Variants in DIAPH2 observed in about 807,000 individuals in gnomAD.
The protein encoded by DIAPH2 is diaphanous related formin 2.
DIAPH2 carries 35 observed loss-of-function variants against 92.7 expected under a neutral mutation model. The ratio of observed to expected loss-of-function variants is 0.38; its 90% confidence interval spans 0.29 to 0.50. The LOEUF is 0.50. Ranked by LOEUF, DIAPH2 falls within the 20% of genes least tolerant of loss-of-function variation. The pLI is 0.94. For synonymous variants in DIAPH2, 301 were observed against 280.4 expected (o/e 1.07, Z -0.73); for missense variants, 701 against 819.5 (o/e 0.86, Z 1.77).
At chrX:97,025,686 C>CA (rs926927909) in intron 17 of DIAPH2, among the ~76,000 whole-genome samples, 10 of 109,147 alleles carry the variant, frequency 9.2e-5, no homozygotes, top group Non-Finnish European at 1.3e-4. Flanking sequence ...AACAAAAAAA[C>CA]AAAAAAAAAG....
intron 23 of DIAPH2, among the ~76,000 whole-genome samples, chrX:97,258,546 C>A (rs1387680034): frequency 9.4e-6 from 1 of 106,729 alleles, no homozygotes; most frequent in Non-Finnish European, 1.9e-5. Flanking sequence ...GCACTCTAGC[C>A]TGGGAGACAG....
In DIAPH2 at chrX:97,099,763, G is replaced by T; in HGVS notation, c.2317G>T (p.Asp773Tyr). The T allele has an allele frequency of 8.5e-7, 1 of 1,180,823 alleles. No homozygotes were observed. Among genetic ancestry groups the T allele is most frequent in the South Asian group, 2.0e-5 (1 of 50,987 alleles). ...AGCAGAGCTTAAGAATGAATATGAT[G>T]ACCTCTGTGAGCCTGAACAATTTGG... Reference protein sequence around the residue: ...ELAELKNEYDDLCEPEQFGVV... With the variant: ...ELAELKNEYDYLCEPEQFGVV... The change falls in exon 20 of 27, where the codon GAC becomes TAC. Residue 773 changes from aspartate to tyrosine, a missense_variant. Physicochemically the swap from Asp to Tyr is radical, Grantham distance 160. Around this residue, in one of 3 missense-constraint regions of DIAPH2, gnomAD observed 536 missense variants for 599.3 expected, o/e 0.89. Coordinates refer to ENST00000324765, the MANE Select transcript of DIAPH2 (RefSeq NM_006729.5).
intron 23 of DIAPH2, among the ~76,000 whole-genome samples, chrX:97,312,349 T>A (rs894355309): frequency 0.018 from 1,308 of 72,885 alleles, 72 homozygotes; most frequent in African/African-American, 0.065. Flanking sequence ...AGAATCCTTT[T>A]TTTTTTTTTT....
chrX:97,153,409 C>T (rs1396114403), intron 22 of DIAPH2, among the ~76,000 whole-genome samples: 4 of 110,218 alleles, frequency 3.6e-5, no homozygotes, highest in Non-Finnish European at 7.6e-5. Flanking sequence ...ATGGTGAAAC[C>T]TCGTCTCTAC....
chrX:96,871,724 T>A (rs200533896), intron 4 of DIAPH2, among the ~76,000 whole-genome samples: 1 of 111,748 alleles, frequency 8.9e-6, no homozygotes, highest in East Asian at 2.8e-4. Context: ...ACTTATAAAA[T>A]TGTTTTTAAA....
chrX:96,929,555 G>C (rs1163143004), intron 9 of DIAPH2, among the ~76,000 whole-genome samples: 1 of 111,067 alleles, frequency 9.0e-6, no homozygotes, highest in Non-Finnish European at 1.9e-5. Flanking sequence ...ATAAGATACA[G>C]ATTCAAAAGT....
At chrX:97,112,791 T>G (rs1165251532) in intron 20 of DIAPH2, among the ~76,000 whole-genome samples, 15 of 81,924 alleles carry the variant, frequency 1.8e-4, no homozygotes, top group African/African-American at 6.9e-4. Context: ...TTTTTTTTTT[T>G]TTTTGAGACA....
intron 25 of DIAPH2, among the ~76,000 whole-genome samples, chrX:97,415,210 C>T (rs2069929837): frequency 8.9e-6 from 1 of 111,870 alleles, no homozygotes; most frequent in Admixed American, 9.5e-5. Context: ...CCAACAGATA[C>T]TGGAGAGGAT....
Position 96,930,863 on chromosome X carries a change from T to G in DIAPH2, c.1089+20T>G. 1 of 1,150,455 alleles carries G rather than the reference T, an allele frequency of 8.7e-7. No homozygotes were observed. The highest frequency in any genetic ancestry group is 1.2e-6 in the Non-Finnish European group (1 of 867,789). 94.8% of individuals were successfully genotyped at this position (1,150,455 alleles called of 1,213,427 possible). ...TTACCAGTAAGTTGAATGTATACATTTATTATGCTGATGAATTTTAAAATT... is the reference window on the plus strand; with the variant it reads ...TTACCAGTAAGTTGAATGTATACATGTATTATGCTGATGAATTTTAAAATT... On this transcript the variant is annotated intron_variant, in intron 10 of 26. Transcript: ENST00000324765.
intron 26 of DIAPH2, among the ~76,000 whole-genome samples, chrX:97,532,209 A>T (rs748908836): frequency 1.8e-5 from 2 of 112,992 alleles, no homozygotes; most frequent in East Asian, 5.6e-4. Context: ...TTTTGCACAG[A>T]AGTACACTTA....
At chrX:97,018,979 T>C (rs2066278875) in intron 17 of DIAPH2, among the ~76,000 whole-genome samples, 2 of 111,758 alleles carry the variant, frequency 1.8e-5, no homozygotes, top group Admixed American at 1.9e-4. Context: ...TGCCTAAATC[T>C]TTCCGGATTC....
chrX:97,460,460 C>T (rs1256413330), intron 26 of DIAPH2, among the ~76,000 whole-genome samples: 1 of 112,132 alleles, frequency 8.9e-6, no homozygotes, highest in African/African-American at 3.2e-5. Flanking sequence ...ATAAATAAAT[C>T]TTCAGGAGGA....
chrX:97,293,243 CTTTTTTTTTTT>C (rs1184478622), intron 23 of DIAPH2, among the ~76,000 whole-genome samples: 2 of 63,216 alleles, frequency 3.2e-5, no homozygotes, highest in Non-Finnish European at 6.0e-5. Context: ...ATATTTCTTT[CTTTTTTTTTTT>C]TTTTTTTTTT....
chrX:96,914,663 G>A (rs1329850365), intron 7 of DIAPH2, among the ~76,000 whole-genome samples: 1 of 109,862 alleles, frequency 9.1e-6, no homozygotes, highest in Non-Finnish European at 1.9e-5. Context: ...GATTCTTATA[G>A]AGCCCTTTTT....
At chrX:97,518,514 G>GTATA (rs562766387) in intron 26 of DIAPH2, among the ~76,000 whole-genome samples, 10 of 108,386 alleles carry the variant, frequency 9.2e-5, no homozygotes, top group African/African-American at 3.4e-4. Flanking sequence ...GTGTATGTGT[G>GTATA]TATATATATA....
chrX:97,526,926 C>T (rs990712593), intron 26 of DIAPH2, among the ~76,000 whole-genome samples: 9 of 111,109 alleles, frequency 8.1e-5, no homozygotes, highest in East Asian at 2.8e-4. Flanking sequence ...CATGTCAGTA[C>T]GTACTCAAAA....
chrX:97,463,767 G>A (rs1427955312), intron 26 of DIAPH2, among the ~76,000 whole-genome samples: 1 of 110,841 alleles, frequency 9.0e-6, no homozygotes, highest in African/African-American at 3.3e-5. Flanking sequence ...TATAGTGGGG[G>A]AAACTGAGGC....
intron 1 of DIAPH2, among the ~76,000 whole-genome samples, chrX:96,718,464 C>T (rs1371852336): frequency 2.9e-5 from 3 of 102,001 alleles, no homozygotes; most frequent in African/African-American, 1.1e-4. Context: ...AGCGATTCTC[C>T]TGCCTCAGCC....
chrX:97,043,961 A>G (rs1366514898), intron 17 of DIAPH2, among the ~76,000 whole-genome samples: 1 of 112,278 alleles, frequency 8.9e-6, no homozygotes, highest in Non-Finnish European at 1.9e-5. Context: ...AGTTTTTACC[A>G]TAGTGTAACT....
Sources: gnomAD v4.1 joint callset for allele counts (sites outside exome capture counted in the v4.1 genomes callset) on GRCh38, gnomAD v4.1.1 for gene constraint, gnomAD v4.1.1 regional missense constraint, MANE v1.5 for transcripts, NCBI Gene and HGNC (gene_info 2026-07-23, HGNC 2026-07-21) for gene names.